The following THSD4 variants were observed in gnomAD, a reference collection of about 807,000 sequenced individuals.
THSD4 encodes the protein thrombospondin type 1 domain containing 4.
THSD4 carries 69 observed loss-of-function variants against 119.0 expected under a neutral mutation model. The observed-to-expected ratio is 0.58, with a 90% confidence interval of 0.48 to 0.71. The LOEUF is 0.71. THSD4 is among the 30% of genes least tolerant of loss of function. The pLI, the probability that THSD4 is intolerant of heterozygous loss-of-function variation, is 0.00. For synonymous variants in THSD4, 524 were observed against 540.4 expected (o/e 0.97, Z 0.42); for missense variants, 1,393 against 1,391.1 (o/e 1.00, Z -0.02).
intron 7 of THSD4, among the ~76,000 whole-genome samples, chr15:71,593,917 C>T (rs192442886): frequency 4.0e-5 from 6 of 150,310 alleles, no homozygotes; most frequent in African/African-American, 9.9e-5. Flanking sequence ...TTCCCACCCC[C>T]CCGGCAAAAA....
intron 7 of THSD4, among the ~76,000 whole-genome samples, chr15:71,528,970 T>A (rs768201615): frequency 3.7e-4 from 57 of 152,262 alleles, no homozygotes; most frequent in Non-Finnish European, 8.1e-4. Flanking sequence ...TTTCGTTGTC[T>A]GCCAAACCTG....
chr15:71,490,455 G>C (rs912475523), intron 7 of THSD4, among the ~76,000 whole-genome samples: 1 of 151,782 alleles, frequency 6.6e-6, no homozygotes, highest in Non-Finnish European at 1.5e-5. Context: ...ACCTACTCGG[G>C]AGGCTGAGGC....
chr15:71,607,793 G>C (rs1471678688), intron 7 of THSD4, among the ~76,000 whole-genome samples: 1 of 152,214 alleles, frequency 6.6e-6, no homozygotes, highest in Non-Finnish European at 1.5e-5. Context: ...CTAGAATCTG[G>C]AGGAGAGCAA....
intron 7 of THSD4, among the ~76,000 whole-genome samples, chr15:71,490,344 A>G (rs1424621059): frequency 6.6e-6 from 1 of 152,110 alleles, no homozygotes; most frequent in East Asian, 1.9e-4. Flanking sequence ...GCAGATCACA[A>G]GGTCAGGAGA....
At chr15:71,122,986 C>A (rs1199986957) in intron 1 of THSD4, among the ~76,000 whole-genome samples, 2 of 152,156 alleles carry the variant, frequency 1.3e-5, no homozygotes, top group African/African-American at 4.8e-5. Context: ...CAAGGGGGAC[C>A]CAGAAACAGA....
intron 7 of THSD4, among the ~76,000 whole-genome samples, chr15:71,584,868 T>A (rs895414681): frequency 6.6e-6 from 1 of 152,196 alleles, no homozygotes; most frequent in Admixed American, 6.5e-5. Context: ...TGTCTACTAG[T>A]TTTTATCTTC....
At chr15:71,459,084 G>C (rs1595787979) in intron 7 of THSD4, among the ~76,000 whole-genome samples, 1 of 151,720 alleles carries the variant, frequency 6.6e-6, no homozygotes. Flanking sequence ...ACTTTACACA[G>C]CTTTCTCATG....
chr15:71,109,448 C>G (rs1305238844), intron 1 of THSD4, among the ~76,000 whole-genome samples: 1 of 152,176 alleles, frequency 6.6e-6, no homozygotes, highest in South Asian at 2.1e-4. Context: ...TTCCCTGTTG[C>G]AGAGTTTCTG....
At chr15:71,326,700 A>AAAAAAAATATATATATAT (rs1555464320) in intron 6 of THSD4, among the ~76,000 whole-genome samples, 5 of 6,452 alleles carry the variant, frequency 7.7e-4, no homozygotes, top group East Asian at 6.8e-3. Flanking sequence ...AAAAAAAAAA[A>AAAAAAAATATATATATAT]ATATATATAT....
chr15:71,111,611 T>G (rs2040305696), upstream of THSD4: 3 of 596,944 alleles, frequency 5.0e-6, no homozygotes, highest in Non-Finnish European at 5.9e-6. Context: ...GACTTTACAG[T>G]CTGCATAAGT....
At chr15:71,745,937 G>A (rs569923118) in intron 12 of THSD4, among the ~76,000 whole-genome samples, 41 of 152,300 alleles carry the variant, frequency 2.7e-4, no homozygotes, top group African/African-American at 9.1e-4. Context: ...GAGCCACTGC[G>A]CCTGGCCTTG....
intron 7 of THSD4, among the ~76,000 whole-genome samples, chr15:71,456,636 G>T (rs1361171146): frequency 6.6e-5 from 10 of 152,264 alleles, no homozygotes; most frequent in African/African-American, 2.2e-4. Flanking sequence ...TTCTGAGTCT[G>T]GGAGCCCCAC....
Position 71,434,589 on chromosome 15 carries a change from C to T in THSD4, c.1152+22766C>T, listed in dbSNP as rs560083352. ...ATGAGTTGTAGAGGAGATAGTTTAG[C>T]GTGGAGGGATGAAGTTTTCCAAAAG... On this transcript the variant is annotated intron_variant, in intron 7 of 17. Coordinates refer to ENST00000261862, the MANE Select transcript of THSD4 (RefSeq NM_024817.3). Among the ~76,000 whole-genome samples the T allele has an allele frequency of 6.6e-5, 10 of 151,730 alleles. No individual in the cohort carries two copies. In the South Asian group the frequency reaches 1.9e-3, roughly 29 times the overall value.
At chr15:71,178,146 C>T (rs374951716) in intron 3 of THSD4, among the ~76,000 whole-genome samples, 6 of 42,480 alleles carry the variant, frequency 1.4e-4, no homozygotes, top group African/African-American at 4.3e-4. Context: ...CCAGGGCAAT[C>T]AGGCAGGAGA....
At chr15:71,409,024 G>C (rs1332504790) in intron 6 of THSD4, among the ~76,000 whole-genome samples, 4 of 152,144 alleles carry the variant, frequency 2.6e-5, no homozygotes, top group Non-Finnish European at 5.9e-5. Context: ...CTGCAGATCG[G>C]AGAAGGTGGA....
At chr15:71,184,168 G>A (rs1408892859) in intron 3 of THSD4, 2 of 151,734 alleles carry the variant, frequency 1.3e-5, no homozygotes, top group Non-Finnish European at 2.9e-5. Context: ...TAGTAGGAGG[G>A]GCTCCTCTTT....
rs1269234648 is a variant in THSD4, at chr15:71,438,047, CTAAGTT to C, written c.1152+26225_1152+26230del. Among the ~76,000 whole-genome samples the C allele has an allele frequency of 1.2e-3, 181 of 152,342 alleles. 1 individual carries two copies. Among genetic ancestry groups the C allele is most frequent in the African/African-American group, 4.0e-3 (166 of 41,582 alleles). ...GGTGAAGAATTTAAGGAGGCATTTACTAAGTTCTCCAGGTCTCCTTCACTTACGTGC... is the reference window on the plus strand; with the variant it reads ...GGTGAAGAATTTAAGGAGGCATTTACCTCCAGGTCTCCTTCACTTACGTGC... On this transcript the variant is annotated intron_variant, in intron 7 of 17. Coordinates refer to ENST00000261862, the MANE Select transcript of THSD4 (RefSeq NM_024817.3).
At chr15:71,639,727 T>C (rs1362669623) in intron 7 of THSD4, among the ~76,000 whole-genome samples, 2 of 152,146 alleles carry the variant, frequency 1.3e-5, no homozygotes, top group Non-Finnish European at 2.9e-5. Flanking sequence ...CTTTATTTTA[T>C]GGTTTTGCAT....
intron 6 of THSD4, among the ~76,000 whole-genome samples, chr15:71,331,925 G>A (rs2045426206): frequency 6.7e-6 from 1 of 149,274 alleles, no homozygotes; most frequent in Non-Finnish European, 1.5e-5. Context: ...CTTCCAGGAA[G>A]CAGACATCAA....
Sources: allele counts gnomAD v4.1 joint callset (sites outside exome capture counted in the v4.1 genomes callset), GRCh38; gene constraint gnomAD v4.1.1; transcripts MANE v1.5; gene names NCBI Gene and HGNC (gene_info 2026-07-23, HGNC 2026-07-21).